Variants in SNX29 observed in about 807,000 individuals in gnomAD.
SNX29 encodes sorting nexin-29.
Under a neutral mutation model 102.1 loss-of-function variants are expected in SNX29, and 78 were observed. The ratio of observed to expected loss-of-function variants is 0.76; its 90% CI spans 0.64 to 0.92. The LOEUF is 0.92. SNX29 is among the 40% of genes least tolerant of loss of function. The probability of loss-of-function intolerance (pLI) is 0.00; values close to 1 mark genes in which losing one functional copy is unlikely to be tolerated. For synonymous variants in SNX29, 580 were observed against 414.5 expected, an observed-to-expected ratio of 1.40 and a Z score of -4.85; for missense variants, 1,280 against 1,061.7, an observed-to-expected ratio of 1.21 and a Z score of -2.86.
chr16:12,428,972 A>T (rs2085200687), intron 18 of SNX29, among the ~76,000 whole-genome samples: 1 of 152,238 alleles, frequency 6.6e-6, no homozygotes, highest in South Asian at 2.1e-4. Flanking sequence ...CACAGATACG[A>T]TTGCGATTAA....
intron 18 of SNX29, among the ~76,000 whole-genome samples, chr16:12,470,377 C>T (rs2087277363): frequency 6.6e-6 from 1 of 152,206 alleles, no homozygotes; most frequent in Non-Finnish European, 1.5e-5. Flanking sequence ...TCTGTGGGGT[C>T]TGATCCTTGC....
chr16:12,301,652 C>A (rs1306406633), intron 15 of SNX29, among the ~76,000 whole-genome samples: 1 of 152,246 alleles, frequency 6.6e-6, no homozygotes, highest in African/African-American at 2.4e-5. Context: ...CATCTCCCCT[C>A]TAGAATGTAA....
intron 14 of SNX29, among the ~76,000 whole-genome samples, chr16:12,263,530 C>G (rs543498977): frequency 9.3e-4 from 142 of 152,334 alleles, no homozygotes; most frequent in African/African-American, 3.3e-3. Context: ...GATTTATACT[C>G]TATCCCTATT....
intron 1 of SNX29, among the ~76,000 whole-genome samples, chr16:11,980,501 G>A (rs1382479398): frequency 6.6e-6 from 1 of 152,178 alleles, no homozygotes; most frequent in Non-Finnish European, 1.5e-5. Flanking sequence ...GTGGGGGCAA[G>A]TCTCTTCATT....
At chr16:12,542,798 A>C (rs2077401945) in intron 20 of SNX29, among the ~76,000 whole-genome samples, 1 of 151,888 alleles carries the variant, frequency 6.6e-6, no homozygotes, top group Non-Finnish European at 1.5e-5. Flanking sequence ...TTAAATCAGC[A>C]AGTAAGTGAA....
At chr16:12,313,128 C>T (rs929499234) in intron 15 of SNX29, among the ~76,000 whole-genome samples, 5 of 152,092 alleles carry the variant, frequency 3.3e-5, no homozygotes, top group African/African-American at 7.2e-5. Context: ...ATTCTCCTGC[C>T]TCAGCCTCCT....
chr16:12,115,123 C>T lies in SNX29; in HGVS notation c.1403-11510C>T, dbSNP rs1392079007. Among the ~76,000 whole-genome samples, 4 of 152,152 alleles carry T rather than the reference C, an allele frequency of 2.6e-5. No individual in the cohort carries two copies. The East Asian group carries it at 7.7e-4, about 29-fold the overall frequency. ...GCCCAGACCTAGCCTTCAAGGTTGGCAGTGGATGAAAAATTGCCCCTGGCA... is the reference window on the plus strand; with the variant it reads ...GCCCAGACCTAGCCTTCAAGGTTGGTAGTGGATGAAAAATTGCCCCTGGCA... On this transcript the variant is annotated intron_variant, in intron 11 of 20. Coordinates refer to ENST00000566228, the MANE Select transcript of SNX29 (RefSeq NM_032167.5).
chr16:12,350,936 C>T (rs1287486558), intron 15 of SNX29, among the ~76,000 whole-genome samples: 1 of 152,142 alleles, frequency 6.6e-6, no homozygotes, highest in Non-Finnish European at 1.5e-5. Context: ...ATGTCACTTC[C>T]CTCTACTCTG....
intron 18 of SNX29, among the ~76,000 whole-genome samples, chr16:12,459,316 C>A (rs1240260238): frequency 6.6e-6 from 1 of 151,920 alleles, no homozygotes; most frequent in African/African-American, 2.4e-5. Context: ...TCAGCTCTCT[C>A]CCTGTCATAC....
chr16:12,554,780 G>C (rs893173120), intron 20 of SNX29, among the ~76,000 whole-genome samples: 6 of 152,270 alleles, frequency 3.9e-5, no homozygotes, highest in African/African-American at 9.6e-5. Flanking sequence ...CCCCGCCATA[G>C]AATGCAATTG....
At chr16:12,243,066 G>A (rs2078160584) in intron 14 of SNX29, among the ~76,000 whole-genome samples, 2 of 152,220 alleles carry the variant, frequency 1.3e-5, no homozygotes, top group Non-Finnish European at 2.9e-5. Context: ...TCTTTCACGT[G>A]TCCTGGCCTG....
chr16:12,358,422 T>A (rs1410074230), intron 16 of SNX29, among the ~76,000 whole-genome samples: 1 of 152,088 alleles, frequency 6.6e-6, no homozygotes, highest in Non-Finnish European at 1.5e-5. Context: ...ATACAAAAAT[T>A]AGCCAGGCAT....
At chr16:12,183,173 A>G (rs2076431127) in intron 13 of SNX29, among the ~76,000 whole-genome samples, 1 of 151,964 alleles carries the variant, frequency 6.6e-6, no homozygotes, top group Non-Finnish European at 1.5e-5. Context: ...CTAATTTTAA[A>G]TTTTTGTTTT....
At chr16:12,426,920 C>A (rs1216130004) in intron 18 of SNX29, among the ~76,000 whole-genome samples, 1 of 152,150 alleles carries the variant, frequency 6.6e-6, no homozygotes, top group Non-Finnish European at 1.5e-5. Flanking sequence ...CCTGCCTCGG[C>A]CTCCCAAAGT....
chr16:12,458,703 G>A (rs750638087), intron 18 of SNX29, among the ~76,000 whole-genome samples: 6 of 152,172 alleles, frequency 3.9e-5, no homozygotes, highest in African/African-American at 7.2e-5. Flanking sequence ...AAAGGGCAAT[G>A]CTGTGAGCAC....
intron 15 of SNX29, among the ~76,000 whole-genome samples, chr16:12,295,654 G>A (rs1246455416): frequency 6.6e-6 from 1 of 152,190 alleles, no homozygotes. Flanking sequence ...CTCTTTTACA[G>A]TGACAAGTAC....
At chr16:12,469,466 T>C (rs1342173646) in intron 18 of SNX29, among the ~76,000 whole-genome samples, 3 of 152,242 alleles carry the variant, frequency 2.0e-5, no homozygotes, top group Non-Finnish European at 4.4e-5. Flanking sequence ...ATTGGGAACC[T>C]GAAGCCATTT....
chr16:12,377,262 C>T (rs1297652024), intron 16 of SNX29, among the ~76,000 whole-genome samples: 1 of 152,184 alleles, frequency 6.6e-6, no homozygotes, highest in East Asian at 1.9e-4. Flanking sequence ...CCCGTAATGT[C>T]CTGAACAGAA....
chr16:12,228,481 C>T (rs2077679910), intron 14 of SNX29, among the ~76,000 whole-genome samples: 1 of 151,238 alleles, frequency 6.6e-6, no homozygotes. Context: ...CTGCTCTGGT[C>T]ACTCTTACCC....
Sources: allele counts gnomAD v4.1 joint callset (sites outside exome capture counted in the v4.1 genomes callset), GRCh38; gene constraint gnomAD v4.1.1; transcripts MANE v1.5; gene names NCBI Gene and HGNC (gene_info 2026-07-23, HGNC 2026-07-21).